CCDC144A: variants seen among roughly 807,000 people sequenced by gnomAD.
CCDC144A encodes the protein coiled-coil domain-containing protein 144A.
In CCDC144A, 41 loss-of-function variants were observed where a neutral mutation model predicts 143.8. The ratio of observed to expected loss-of-function variants is 0.29; its 90% CI spans 0.22 to 0.37. The LOEUF is 0.37. Ranked by LOEUF, CCDC144A falls within the 10% of genes least tolerant of loss-of-function variation. The pLI is 1.00. For synonymous variants in CCDC144A, 242 were observed against 517.9 expected, an observed-to-expected ratio of 0.47 and a Z score of 7.23; for missense variants, 637 against 1,488.8, an observed-to-expected ratio of 0.43 and a Z score of 9.41.
rs762792381 is a variant in CCDC144A at position 16,690,600 on chromosome 17, G to A, written c.200G>A (p.Gly67Asp). Residue 67 changes from glycine to aspartate, a missense_variant, in exon 1 of 17, where the codon GGC becomes GAC. By Grantham distance (94) the Gly-to-Asp change is moderately conservative. Coordinates refer to ENST00000399273, the MANE Select transcript of CCDC144A (RefSeq NM_001382000.1). ...SVGSESKHGE[G>D]ALDQPQHDVR... is the part of the protein sequence containing the mutation. ...GGCAGCGAGAGCAAGCACGGTGAGG[G>A]CGCCTTAGACCAGCCCCAGCACGAC... 1.2e-6 allele frequency: 2 copies of A among 1,613,612 alleles called. No homozygotes were observed. The highest frequency in any genetic ancestry group is 1.7e-6 in the Non-Finnish European group (2 of 1,179,874).
At chr17:16,670,993 CT>C in the CCDC144A span, among the ~76,000 whole-genome samples, 2,641 of 146,534 alleles carry the variant, frequency 0.018, 54 homozygotes, top group Non-Finnish European at 0.026. Flanking sequence ...TATATTATCA[CT>C]TTTTTTTTTT....
At chr17:16,768,356 C>G (rs1409392447) in intron 15 of CCDC144A, among the ~76,000 whole-genome samples, 1 of 152,060 alleles carries the variant, frequency 6.6e-6, no homozygotes, top group Non-Finnish European at 1.5e-5. Context: ...TTTTGTCATA[C>G]TTTAAGGCCC....
intron 2 of CCDC144A, among the ~76,000 whole-genome samples, chr17:16,698,572 T>C (rs1450645560): frequency 6.6e-6 from 1 of 152,138 alleles, no homozygotes; most frequent in African/African-American, 2.4e-5. Context: ...CCTAGAATTG[T>C]CTAAACCTAA....
chr17:16,748,003 C>T (rs1192137175), intron 12 of CCDC144A, among the ~76,000 whole-genome samples: 1 of 152,104 alleles, frequency 6.6e-6, no homozygotes, highest in Non-Finnish European at 1.5e-5. Context: ...TTCCAGTGGG[C>T]AAGGGGAATG....
At chr17:16,767,294 C>CAAAAAAA (rs765969718) in intron 15 of CCDC144A, 3 of 95,376 alleles carry the variant, frequency 3.1e-5, no homozygotes, top group Non-Finnish European at 2.0e-5. Context: ...GACTCCATCT[C>CAAAAAAA]AAAAAAAAAA....
chr17:16,700,126 T>C, intron 2 of CCDC144A, among the ~76,000 whole-genome samples: 2 of 152,114 alleles, frequency 1.3e-5, no homozygotes. Flanking sequence ...CTTTGATTTA[T>C]TACATTTAAT....
intron 8 of CCDC144A, chr17:16,726,978 CATT>C (rs1267831676): frequency 8.0e-6 from 1 of 125,262 alleles, no homozygotes. Flanking sequence ...TTACGGGGAT[CATT>C]GTCTTCATTA....
chr17:16,746,255 ATCTG>A (rs1914500862), intron 12 of CCDC144A: 1 of 1,191,246 alleles, frequency 8.4e-7, no homozygotes, highest in Non-Finnish European at 1.2e-6. Flanking sequence ...TCTTCTGTTT[ATCTG>A]TCTCTCTCTC....
At chr17:16,759,068 T>C (rs576743785) in intron 12 of CCDC144A, among the ~76,000 whole-genome samples, 44 of 152,308 alleles carry the variant, frequency 2.9e-4, no homozygotes, top group African/African-American at 9.9e-4. Context: ...CTGACAGTCT[T>C]GGCTTCACCT....
the CCDC144A span, among the ~76,000 whole-genome samples, chr17:16,676,240 G>A: frequency 6.6e-6 from 1 of 151,864 alleles, no homozygotes; most frequent in Admixed American, 6.6e-5. Context: ...GGCTGGGTGC[G>A]GTGGCTCATG....
At chr17:16,713,275 A>G (rs1179270530) in intron 6 of CCDC144A, among the ~76,000 whole-genome samples, 8 of 151,130 alleles carry the variant, frequency 5.3e-5, no homozygotes, top group Non-Finnish European at 8.9e-5. Context: ...CACAAGCACC[A>G]ATTTGTTGAT....
chr17:16,755,510 A>G, intron 12 of CCDC144A, among the ~76,000 whole-genome samples: 1 of 152,072 alleles, frequency 6.6e-6, no homozygotes, highest in Non-Finnish European at 1.5e-5. Context: ...TCTAGTGGTG[A>G]TGCATTCCTT....
the CCDC144A span, chr17:16,683,534 C>G: frequency 6.4e-7 from 1 of 1,553,828 alleles, no homozygotes; most frequent in Non-Finnish European, 8.9e-7. Flanking sequence ...TGAGGAGGGG[C>G]GGCAAGTCCG....
intron 6 of CCDC144A, among the ~76,000 whole-genome samples, chr17:16,718,576 T>C (rs1375233129): frequency 6.6e-6 from 1 of 151,324 alleles, no homozygotes; most frequent in Non-Finnish European, 1.5e-5. Flanking sequence ...CTGTGAATGG[T>C]GACCTAAAAT....
the CCDC144A span, chr17:16,683,532 G>C: frequency 9.0e-6 from 14 of 1,550,232 alleles, no homozygotes; most frequent in Non-Finnish European, 1.2e-5. Context: ...CGTGAGGAGG[G>C]GCGGCAAGTC....
In CCDC144A at chr17:16,742,480, G is replaced by A. The variant is rs1046666420; in HGVS notation, c.3372+6837G>A. 8.6e-5 allele frequency among the ~76,000 whole-genome samples: 13 copies of A among 152,020 alleles called. 1 individual carries two copies. Among genetic ancestry groups the A allele is most frequent in the African/African-American group, 3.1e-4 (13 of 41,362 alleles). Reference sequence around the variant, plus strand: ...CATTGATCTGTTGATGAACATTTAGGTTGATTCTGTATCTTGGTTGTTGTG... The same window carrying A: ...CATTGATCTGTTGATGAACATTTAGATTGATTCTGTATCTTGGTTGTTGTG... On this transcript the variant is annotated intron_variant, in intron 12 of 16. Transcript: ENST00000399273.
the CCDC144A span, among the ~76,000 whole-genome samples, chr17:16,678,521 G>C: frequency 6.6e-6 from 1 of 151,816 alleles, no homozygotes; most frequent in Non-Finnish European, 1.5e-5. Flanking sequence ...GCAGACCTCA[G>C]ATAAGGGGGA....
At chr17:16,745,851 C>T (rs1281525284) in intron 12 of CCDC144A, 3 of 1,597,144 alleles carry the variant, frequency 1.9e-6, no homozygotes, top group East Asian at 2.3e-5. Flanking sequence ...CGGAGCCCCG[C>T]TGTCCTGGCT....
chr17:16,767,896 C>G (rs899481176), intron 15 of CCDC144A, among the ~76,000 whole-genome samples: 6 of 152,202 alleles, frequency 3.9e-5, no homozygotes, highest in African/African-American at 1.4e-4. Flanking sequence ...AACTGAGAGT[C>G]GGGCTGCTAT....
Sources: allele counts gnomAD v4.1 joint callset (sites outside exome capture counted in the v4.1 genomes callset), GRCh38; gene constraint gnomAD v4.1.1; transcripts MANE v1.5; gene names NCBI Gene and HGNC (gene_info 2026-07-23, HGNC 2026-07-21).